CNTNAP2: variants seen among roughly 807,000 people sequenced by gnomAD.
CNTNAP2 encodes contactin associated protein 2, also known as contactin-associated protein-like 2.
A neutral mutation model predicts 155.2 loss-of-function variants in CNTNAP2; 98 were observed. That is an observed-to-expected ratio of 0.63 (90% CI 0.54 to 0.75). The LOEUF is 0.75. Ranked by LOEUF, CNTNAP2 falls within the 30% of genes least tolerant of loss-of-function variation. The pLI, the probability that CNTNAP2 is intolerant of heterozygous loss-of-function variation, is 0.00. For missense variants in CNTNAP2, 1,727 were observed against 1,688.1 expected (o/e 1.02, Z -0.40); for synonymous variants, 651 against 631.2 (o/e 1.03, Z -0.47).
Position 146,456,942 on chromosome 7 carries a change from T to C in CNTNAP2, c.98-317329T>C, listed in dbSNP as rs118030958. ...AATCATCTAATCCACAAAGTATAAA[T>C]GACAACTTTCTATTCTTTGTCCATA... On this transcript the variant is annotated intron_variant, in intron 1 of 23. Coordinates refer to ENST00000361727, the MANE Select transcript of CNTNAP2 (RefSeq NM_014141.6). 4.7e-3 allele frequency among the ~76,000 whole-genome samples: 721 copies of C among 152,284 alleles called. 3 individuals carry two copies. Among genetic ancestry groups the C allele is most frequent in the Non-Finnish European group, 8.2e-3 (558 of 68,006 alleles).
intron 1 of CNTNAP2, among the ~76,000 whole-genome samples, chr7:146,423,277 AG>A (rs1347136154): frequency 4.6e-5 from 7 of 152,146 alleles, no homozygotes; most frequent in Non-Finnish European, 1.0e-4. Context: ...TAATTACAGT[AG>A]CGATCAATTC....
At chr7:146,984,851 G>A (rs192169363) in intron 3 of CNTNAP2, among the ~76,000 whole-genome samples, 4 of 152,302 alleles carry the variant, frequency 2.6e-5, no homozygotes, top group African/African-American at 9.6e-5. Flanking sequence ...AATTTTGCAT[G>A]CCGTCAGCTA....
At chr7:148,121,541 G>A (rs1804594854) in intron 16 of CNTNAP2, among the ~76,000 whole-genome samples, 1 of 152,128 alleles carries the variant, frequency 6.6e-6, no homozygotes, top group African/African-American at 2.4e-5. Flanking sequence ...TTCCCATTTA[G>A]CTTGTTAGGC....
At chr7:146,559,156 G>C (rs776935144) in intron 1 of CNTNAP2, among the ~76,000 whole-genome samples, 1 of 152,084 alleles carries the variant, frequency 6.6e-6, no homozygotes. Flanking sequence ...ATAACTAAGA[G>C]AGTAGGTTTC....
intron 14 of CNTNAP2, among the ~76,000 whole-genome samples, chr7:147,928,677 G>A (rs1247548342): frequency 2.0e-5 from 3 of 151,968 alleles, no homozygotes; most frequent in Non-Finnish European, 2.9e-5. Context: ...TCTAAGAGGC[G>A]GTCAGTTACT....
At position 146,165,497 on chromosome 7, in the gene CNTNAP2, T is replaced by C. The variant is rs534960227; in HGVS notation, c.97+48524T>C. Among the ~76,000 whole-genome samples the C allele has an allele frequency of 3.9e-5, 6 of 152,346 alleles. No individual in the cohort carries two copies. In the South Asian group the frequency reaches 1.2e-3, roughly 32 times the overall value. ...ATTCTAAAACAGGTTATAAAAGTTA[T>C]CCAAGTGTGATGCTCTTGATTATTA... On this transcript the variant is annotated intron_variant, in intron 1 of 23. Transcript: ENST00000361727.
At chr7:148,262,114 G>T (rs949525193) in intron 20 of CNTNAP2, among the ~76,000 whole-genome samples, 6 of 152,226 alleles carry the variant, frequency 3.9e-5, no homozygotes, top group Admixed American at 2.6e-4. Flanking sequence ...AGTCAGGAAG[G>T]GCTTATTTTA....
chr7:146,272,562 G>T (rs970254518), intron 1 of CNTNAP2, among the ~76,000 whole-genome samples: 20 of 152,188 alleles, frequency 1.3e-4, no homozygotes, highest in Admixed American at 1.3e-4. Flanking sequence ...AGGTTAAGAT[G>T]TGACCTATCC....
intron 18 of CNTNAP2, among the ~76,000 whole-genome samples, chr7:148,191,338 G>A (rs986097589): frequency 1.3e-5 from 2 of 151,966 alleles, no homozygotes; most frequent in Admixed American, 6.6e-5. Flanking sequence ...CTTCTGCCAT[G>A]GGATGTTCAA....
intron 1 of CNTNAP2, among the ~76,000 whole-genome samples, chr7:146,456,839 C>T (rs1796562152): frequency 6.6e-6 from 1 of 151,990 alleles, no homozygotes. Context: ...TGCAACAGCC[C>T]ATTTGCAATT....
At chr7:147,848,173 A>T (rs1462383195) in intron 13 of CNTNAP2, among the ~76,000 whole-genome samples, 1 of 139,508 alleles carries the variant, frequency 7.2e-6, no homozygotes. Flanking sequence ...AGCCTGGGCA[A>T]TGGCGGGCGC....
At chr7:147,586,469 C>T (rs1800622781) in intron 12 of CNTNAP2, among the ~76,000 whole-genome samples, 1 of 140,400 alleles carries the variant, frequency 7.1e-6, no homozygotes, top group Non-Finnish European at 1.5e-5. Context: ...GGCTGAGGGG[C>T]TTAGAAGTTT....
intron 1 of CNTNAP2, among the ~76,000 whole-genome samples, chr7:146,727,238 T>C (rs1239867434): frequency 6.6e-6 from 1 of 152,182 alleles, no homozygotes; most frequent in Non-Finnish European, 1.5e-5. Flanking sequence ...CTTTGCATTG[T>C]GTAGGATAAA....
intron 2 of CNTNAP2, among the ~76,000 whole-genome samples, chr7:146,792,136 C>T (rs558613797): frequency 1.3e-5 from 2 of 152,090 alleles, no homozygotes; most frequent in South Asian, 2.1e-4. Context: ...ATTTCAGGCA[C>T]CTCAATTAGA....
chr7:147,459,885 G>T (rs78700542), intron 10 of CNTNAP2, among the ~76,000 whole-genome samples: 1 of 152,212 alleles, frequency 6.6e-6, no homozygotes, highest in East Asian at 1.9e-4. Context: ...AAATAGGTAG[G>T]TCTGAAACAG....
intron 3 of CNTNAP2, among the ~76,000 whole-genome samples, chr7:146,971,828 G>C (rs139096028): frequency 6.6e-6 from 1 of 152,138 alleles, no homozygotes; most frequent in Non-Finnish European, 1.5e-5. Context: ...CCATCATGGA[G>C]TTTTGAACTA....
At chr7:148,066,432 TG>T (rs1195026738) in intron 15 of CNTNAP2, among the ~76,000 whole-genome samples, 1 of 152,202 alleles carries the variant, frequency 6.6e-6, no homozygotes, top group Non-Finnish European at 1.5e-5. Context: ...TTCTTAGGTT[TG>T]GTCATTTAAC....
Position 148,151,221 on chromosome 7 carries a change from A to G in CNTNAP2, c.2773+3512A>G, listed in dbSNP as rs182058244. On this transcript the variant is annotated intron_variant, in intron 17 of 23. Transcript: ENST00000361727. The stretch of plus-strand genomic sequence containing the variant: ...ATTAGGAATACAGCTCCTACACCAC[A>G]GTATTAAATGAGATATTCCATGCTA... Among the ~76,000 whole-genome samples, 7 of 152,244 alleles carry G rather than the reference A, an allele frequency of 4.6e-5. No homozygotes were observed. In the East Asian group the frequency reaches 1.3e-3, roughly 29 times the overall value.
At chr7:146,282,848 A>T (rs1331574702) in intron 1 of CNTNAP2, among the ~76,000 whole-genome samples, 2 of 152,226 alleles carry the variant, frequency 1.3e-5, no homozygotes, top group African/African-American at 4.8e-5. Flanking sequence ...TTTGAACTAC[A>T]CATTGCTGAA....
Sources: allele counts gnomAD v4.1 joint callset (sites outside exome capture counted in the v4.1 genomes callset), GRCh38; gene constraint gnomAD v4.1.1; transcripts MANE v1.5; gene names NCBI Gene and HGNC (gene_info 2026-07-23, HGNC 2026-07-21).